The following GSTCD variants were observed in gnomAD, a reference collection of about 807,000 sequenced individuals.
The protein encoded by GSTCD is glutathione S-transferase C-terminal domain-containing protein.
A neutral mutation model predicts 68.3 loss-of-function variants in GSTCD; 44 were observed. That is an observed-to-expected ratio of 0.64 (90% CI 0.51 to 0.83). The LOEUF (loss-of-function observed/expected upper bound fraction) is 0.83, where lower values mean the gene tolerates loss of function less well. GSTCD is among the 40% of genes least tolerant of loss of function. The pLI is 0.00. For missense variants in GSTCD, 739 were observed against 735.9 expected, an observed-to-expected ratio of 1.00 and a Z score of -0.05; for synonymous variants, 273 against 255.2, an observed-to-expected ratio of 1.07 and a Z score of -0.67.
chr4:105,792,911 T>G (rs182279867), intron 5 of GSTCD, among the ~76,000 whole-genome samples: 2 of 152,210 alleles, frequency 1.3e-5, no homozygotes, highest in East Asian at 3.9e-4. Flanking sequence ...AAACAATCAT[T>G]CTGAAATTCA....
chr4:105,783,872 A>T (rs986431621), intron 5 of GSTCD, among the ~76,000 whole-genome samples: 1 of 152,072 alleles, frequency 6.6e-6, no homozygotes, highest in African/African-American at 2.4e-5. Context: ...GTCATTTATG[A>T]TCTTCATATT....
At chr4:105,743,035 C>T (rs1183534091) in intron 5 of GSTCD, among the ~76,000 whole-genome samples, 2 of 151,590 alleles carry the variant, frequency 1.3e-5, no homozygotes, top group African/African-American at 2.4e-5. Context: ...CTGCAAGCGC[C>T]GCCTCCCGGT....
At chr4:105,730,084 A>G (rs970806468) in intron 5 of GSTCD, among the ~76,000 whole-genome samples, 3 of 152,118 alleles carry the variant, frequency 2.0e-5, no homozygotes, top group East Asian at 1.9e-4. Flanking sequence ...ATCCTTTTTT[A>G]TGGCTGCATA....
intron 10 of GSTCD, 80 bp from the exon 11 acceptor site, chr4:105,841,985 G>A: frequency 2.1e-6 from 2 of 968,952 alleles, no homozygotes; most frequent in South Asian, 1.3e-5. Flanking sequence ...GAAAAATGAG[G>A]TAGTTTTTTT....
intron 5 of GSTCD, among the ~76,000 whole-genome samples, chr4:105,784,529 T>A (rs1735393596): frequency 6.6e-6 from 1 of 152,246 alleles, no homozygotes; most frequent in Admixed American, 6.5e-5. Flanking sequence ...TTACAACACA[T>A]GAACTTTTGG....
chr4:105,710,370 A>G (rs928796791), intron 1 of GSTCD, among the ~76,000 whole-genome samples: 5 of 140,530 alleles, frequency 3.6e-5, no homozygotes, highest in South Asian at 4.5e-4. Flanking sequence ...ACAGGCGCCC[A>G]CAATCACACT....
chr4:105,732,559 C>A (rs1733287571), intron 5 of GSTCD, among the ~76,000 whole-genome samples: 1 of 151,982 alleles, frequency 6.6e-6, no homozygotes. Flanking sequence ...TTTTTTATTG[C>A]ATCTAGTTGA....
chr4:105,764,943 A>G (rs1204479316), intron 5 of GSTCD, among the ~76,000 whole-genome samples: 1 of 152,138 alleles, frequency 6.6e-6, no homozygotes, highest in East Asian at 1.9e-4. Flanking sequence ...TTCACTTTAT[A>G]TCTTTAAGTT....
chr4:105,769,093 A>G (rs1734730272), intron 5 of GSTCD, among the ~76,000 whole-genome samples: 1 of 152,156 alleles, frequency 6.6e-6, no homozygotes. Flanking sequence ...AAATTATTTT[A>G]CATTTAGTAA....
At chr4:105,716,383 G>C (rs981098044) in intron 1 of GSTCD, among the ~76,000 whole-genome samples, 1 of 152,136 alleles carries the variant, frequency 6.6e-6, no homozygotes, top group African/African-American at 2.4e-5. Flanking sequence ...CAAATGCAAA[G>C]GCCCTGATGT....
chr4:105,737,548 C>T (rs893367909), intron 5 of GSTCD, among the ~76,000 whole-genome samples: 1 of 152,130 alleles, frequency 6.6e-6, no homozygotes, highest in African/African-American at 2.4e-5. Flanking sequence ...TTCATAAAAA[C>T]TTGCCCAGTC....
chr4:105,812,690 A>G (rs1444387030), intron 5 of GSTCD, among the ~76,000 whole-genome samples: 1 of 152,122 alleles, frequency 6.6e-6, no homozygotes, highest in Non-Finnish European at 1.5e-5. Context: ...AGCCATTTAT[A>G]TATATATGTT....
chr4:105,732,671 T>C (rs1733293438), intron 5 of GSTCD, among the ~76,000 whole-genome samples: 1 of 152,174 alleles, frequency 6.6e-6, no homozygotes, highest in Non-Finnish European at 1.5e-5. Context: ...TTTGAAGGGT[T>C]TTTTGTGTCT....
chr4:105,717,591 A>C lies in GSTCD; in HGVS notation c.-21-2A>C. The C allele has an allele frequency of 6.7e-7, 1 of 1,489,294 alleles. No homozygotes were observed. Among genetic ancestry groups the C allele is most frequent in the East Asian group, 2.3e-5 (1 of 44,264 alleles). The allele number at this position is 1,489,294 out of a possible 1,614,324, so 92.3% of individuals were successfully genotyped here. On this transcript the variant is annotated splice_acceptor_variant, in intron 1 of 11. Coordinates refer to ENST00000515279, the MANE Select transcript of GSTCD (RefSeq NM_001370181.1). LOFTEE classifies it low-confidence loss of function (5UTR_SPLICE). The stretch of plus-strand genomic sequence containing the variant: ...CCATAATCACTTCAATTTATACTTT[A>C]GGTGACCCAATGAAAGAAGAAAATG...
intron 10 of GSTCD, among the ~76,000 whole-genome samples, chr4:105,840,730 C>G (rs1158063728): frequency 6.6e-6 from 1 of 152,130 alleles, no homozygotes; most frequent in African/African-American, 2.4e-5. Flanking sequence ...GCTTTTAAAG[C>G]CTTCTTTTCT....
intron 5 of GSTCD, among the ~76,000 whole-genome samples, chr4:105,804,193 A>G (rs1736244348): frequency 6.6e-6 from 1 of 152,056 alleles, no homozygotes; most frequent in Non-Finnish European, 1.5e-5. Context: ...TGTTATTATT[A>G]CAATGTAAAA....
rs1347175965 is a variant in GSTCD, at chr4:105,810,594, T to C, written c.1241-12360T>C. ...TTTCATTATAAAATTAAATGATTGA[T>C]TTTAACGGTGAACACTACTTATGAC... On this transcript the variant is annotated intron_variant, in intron 5 of 11. Transcript: ENST00000515279. Among the ~76,000 whole-genome samples the C allele has an allele frequency of 2.0e-5, 3 of 152,292 alleles. No homozygotes were observed. The East Asian group carries it at 5.8e-4, about 29-fold the overall frequency.
At chr4:105,729,340 G>T in intron 4 of GSTCD, 66 bp from the exon 5 acceptor site, 1 of 909,402 alleles carries the variant, frequency 1.1e-6, no homozygotes. Flanking sequence ...TAATTTTTTA[G>T]CCTTCAATAA....
At chr4:105,802,326 G>A (rs1209619296) in intron 5 of GSTCD, among the ~76,000 whole-genome samples, 2 of 152,042 alleles carry the variant, frequency 1.3e-5, no homozygotes, top group Non-Finnish European at 2.9e-5. Context: ...ATACTGTAGA[G>A]TGATCTGAGG....
Sources: gnomAD v4.1 joint callset for allele counts (sites outside exome capture counted in the v4.1 genomes callset) on GRCh38, gnomAD v4.1.1 for gene constraint, MANE v1.5 for transcripts, NCBI Gene and HGNC (gene_info 2026-07-23, HGNC 2026-07-21) for gene names.